C12orf42: variants seen among roughly 807,000 people sequenced by gnomAD.
The protein encoded by C12orf42 is chromosome 12 open reading frame 42.
Under a neutral mutation model 21.6 loss-of-function variants are expected in C12orf42, and 25 were observed. The observed-to-expected ratio is 1.16, with a 90% CI of 0.84 to 1.62. C12orf42 has a LOEUF of 1.62. Ranked by LOEUF, C12orf42 falls within the 40% of genes most tolerant of loss-of-function variation. The pLI is 0.00. For synonymous variants in C12orf42, 174 were observed against 175.0 expected (o/e 0.99, Z 0.05); for missense variants, 483 against 459.3 (o/e 1.05, Z -0.47).
the C12orf42 span, among the ~76,000 whole-genome samples, chr12:103,146,670 GATAATAT>G: frequency 6.6e-6 from 1 of 152,134 alleles, no homozygotes; most frequent in Non-Finnish European, 1.5e-5. Flanking sequence ...CAATGTCACA[GATAATAT>G]ATCAGAAAAT....
At chr12:103,300,535 C>T (rs1566031539), downstream of C12orf42, among the ~76,000 whole-genome samples, 1 of 152,284 alleles carries the variant, frequency 6.6e-6, no homozygotes, top group African/African-American at 2.4e-5. Flanking sequence ...GGAATTTGCA[C>T]TTCTACAGCT....
chr12:103,225,756 A>G, the C12orf42 span, among the ~76,000 whole-genome samples: 4 of 152,280 alleles, frequency 2.6e-5, no homozygotes, highest in Non-Finnish European at 4.4e-5. Flanking sequence ...TAGAAGCCTG[A>G]CCATCAATAC....
At chr12:103,365,939 A>G (rs975317846) in intron 4 of C12orf42, among the ~76,000 whole-genome samples, 3 of 151,826 alleles carry the variant, frequency 2.0e-5, no homozygotes, top group Non-Finnish European at 1.5e-5. Flanking sequence ...TCCCATCAAA[A>G]TACCACCATC....
At chr12:103,132,191 T>A in the C12orf42 span, among the ~76,000 whole-genome samples, 1 of 152,142 alleles carries the variant, frequency 6.6e-6, no homozygotes, top group Non-Finnish European at 1.5e-5. Context: ...AAATAAGAAC[T>A]GAATTAGCAG....
the C12orf42 span, among the ~76,000 whole-genome samples, chr12:103,531,344 C>T: frequency 2.0e-5 from 3 of 152,194 alleles, no homozygotes; most frequent in Admixed American, 1.3e-4. Flanking sequence ...CAAAAAGGGT[C>T]CTAAAATTGT....
At chr12:103,230,225 A>G in the C12orf42 span, among the ~76,000 whole-genome samples, 1 of 151,386 alleles carries the variant, frequency 6.6e-6, no homozygotes, top group Non-Finnish European at 1.5e-5. Context: ...ACAGCATGTT[A>G]GCAAGGGCTG....
At chr12:103,203,664 T>G in the C12orf42 span, among the ~76,000 whole-genome samples, 1 of 152,120 alleles carries the variant, frequency 6.6e-6, no homozygotes, top group African/African-American at 2.4e-5. Context: ...AATGACAGAT[T>G]GGGTTTCCCA....
chr12:103,501,347 G>C, the C12orf42 span, among the ~76,000 whole-genome samples: 1 of 152,244 alleles, frequency 6.6e-6, no homozygotes, highest in African/African-American at 2.4e-5. Flanking sequence ...GGAGATAAAA[G>C]TGTGCCGTTC....
chr12:103,488,130 A>T (rs1286156356), intron 1 of C12orf42, among the ~76,000 whole-genome samples: 1 of 151,960 alleles, frequency 6.6e-6, no homozygotes, highest in Non-Finnish European at 1.5e-5. Flanking sequence ...TTCTTTCAGG[A>T]GCTCTTGTAA....
intron 4 of C12orf42, among the ~76,000 whole-genome samples, chr12:103,353,559 G>A (rs149579217): frequency 5.0e-4 from 76 of 152,182 alleles, no homozygotes; most frequent in African/African-American, 1.8e-3. Context: ...CAGTAGCAGA[G>A]GCACTTTGAC....
the C12orf42 span, among the ~76,000 whole-genome samples, chr12:103,161,040 T>C: frequency 1.0e-3 from 155 of 152,342 alleles, no homozygotes; most frequent in African/African-American, 3.5e-3. Context: ...GCATGCTTGA[T>C]TGCTCAGTAA....
chr12:103,135,991 C>A, the C12orf42 span, among the ~76,000 whole-genome samples: 2 of 152,112 alleles, frequency 1.3e-5, no homozygotes, highest in African/African-American at 4.8e-5. Flanking sequence ...CCTCTAAGAT[C>A]TGACACAAGA....
intron 3 of C12orf42, among the ~76,000 whole-genome samples, chr12:103,382,284 G>A (rs1281697320): frequency 2.6e-5 from 4 of 152,054 alleles, no homozygotes; most frequent in African/African-American, 4.8e-5. Flanking sequence ...ATCTACTTCC[G>A]ATTGCTTTTA....
the C12orf42 span, among the ~76,000 whole-genome samples, chr12:103,135,632 T>C: frequency 5.3e-5 from 8 of 152,262 alleles, no homozygotes; most frequent in African/African-American, 1.9e-4. Flanking sequence ...CAATTTTGAA[T>C]GTAAACATAG....
At chr12:103,284,613 T>C (rs1206786761) in intron 4 of C12orf42, among the ~76,000 whole-genome samples, 1 of 152,258 alleles carries the variant, frequency 6.6e-6, no homozygotes, top group Non-Finnish European at 1.5e-5. Flanking sequence ...TAAGAAGTTT[T>C]GTTTATTACA....
chr12:103,118,568 G>C, the C12orf42 span, among the ~76,000 whole-genome samples: 1 of 152,016 alleles, frequency 6.6e-6, no homozygotes, highest in Admixed American at 6.5e-5. Context: ...GGAGGCCAAG[G>C]CGGGCGGATC....
intron 1 of C12orf42, among the ~76,000 whole-genome samples, chr12:103,489,784 C>T (rs1955072254): frequency 6.6e-6 from 1 of 152,208 alleles, no homozygotes; most frequent in Admixed American, 6.5e-5. Context: ...TCCTGGTCTG[C>T]CGGTTGCTAA....
the C12orf42 span, among the ~76,000 whole-genome samples, chr12:103,219,151 C>CTT: frequency 6.6e-6 from 1 of 152,210 alleles, no homozygotes; most frequent in Non-Finnish European, 1.5e-5. Context: ...GGTCTTGACT[C>CTT]TTTATCCAAT....
intron 10 of C12orf42, among the ~76,000 whole-genome samples, chr12:103,238,208 A>G (rs1161309723): frequency 6.6e-6 from 1 of 151,990 alleles, no homozygotes. Flanking sequence ...GTAAAATTAT[A>G]TTGGAACACG....
Sources: gnomAD v4.1 joint callset for allele counts (sites outside exome capture counted in the v4.1 genomes callset) on GRCh38, gnomAD v4.1.1 for gene constraint, MANE v1.5 for transcripts, NCBI Gene and HGNC (gene_info 2026-07-23, HGNC 2026-07-21) for gene names.